CNTN6: variants seen among roughly 807,000 people sequenced by gnomAD.
CNTN6 encodes the protein contactin 6.
A neutral mutation model predicts 122.8 loss-of-function variants in CNTN6; 137 were observed. The ratio of observed to expected loss-of-function variants is 1.12; its 90% CI spans 0.97 to 1.29. CNTN6 has a LOEUF of 1.29. CNTN6 is among the 50% of genes most tolerant of loss of function. The pLI, the probability that CNTN6 is intolerant of heterozygous loss-of-function variation, is 0.00. For synonymous variants in CNTN6, 570 were observed against 426.0 expected (o/e 1.34, Z -4.16); for missense variants, 1,634 against 1,223.4 (o/e 1.34, Z -5.01).
intron 4 of CNTN6, among the ~76,000 whole-genome samples, chr3:1,255,295 G>T (rs1217046641): frequency 6.6e-6 from 1 of 152,018 alleles, no homozygotes; most frequent in Non-Finnish European, 1.5e-5. Context: ...GAAAAATTAG[G>T]ACTAAGTTGT....
intron 20 of CNTN6, among the ~76,000 whole-genome samples, chr3:1,387,541 C>G (rs1384988446): frequency 6.6e-6 from 1 of 152,168 alleles, no homozygotes; most frequent in East Asian, 1.9e-4. Context: ...ATGCCAAACT[C>G]ACAGAAACTC....
At chr3:1,380,675 G>GC (rs1181946746) in intron 17 of CNTN6, among the ~76,000 whole-genome samples, 4 of 152,104 alleles carry the variant, frequency 2.6e-5, no homozygotes, top group Non-Finnish European at 5.9e-5. Context: ...GTCTCAGTCT[G>GC]CTTTTGTAGC....
chr3:1,134,860 T>G (rs2092432121), intron 1 of CNTN6, among the ~76,000 whole-genome samples: 1 of 152,284 alleles, frequency 6.6e-6, no homozygotes, highest in Non-Finnish European at 1.5e-5. Context: ...TTAGTAAGAA[T>G]GCAGGAAGCA....
chr3:1,125,007 C>T (rs958899334), intron 1 of CNTN6, among the ~76,000 whole-genome samples: 9 of 151,902 alleles, frequency 5.9e-5, no homozygotes, highest in Non-Finnish European at 1.2e-4. Flanking sequence ...TTTTGTTATT[C>T]TTGTTTTTAA....
At chr3:1,363,448 C>T (rs1363355373) in intron 12 of CNTN6, among the ~76,000 whole-genome samples, 1 of 151,958 alleles carries the variant, frequency 6.6e-6, no homozygotes, top group Non-Finnish European at 1.5e-5. Flanking sequence ...CAGTGACCAC[C>T]ATTCTAGTAT....
At chr3:1,361,765 A>G (rs1433069310) in intron 12 of CNTN6, among the ~76,000 whole-genome samples, 3 of 152,160 alleles carry the variant, frequency 2.0e-5, no homozygotes, top group African/African-American at 7.2e-5. Flanking sequence ...AAAATGAACA[A>G]AAACAGTTTT....
At position 1,320,977 on chromosome 3, in the gene CNTN6, C is replaced by T. The variant is rs551003573; in HGVS notation, c.762-673C>T. Among the ~76,000 whole-genome samples the T allele has an allele frequency of 4.6e-5, 7 of 151,586 alleles. No individual in the cohort carries two copies. In the South Asian group the frequency reaches 1.5e-3, roughly 32 times the overall value. The stretch of plus-strand genomic sequence containing the variant: ...GTTCTTTATAACAGGGGACAGGCTG[C>T]GGTGTAAATCCATCTTTGTTTTACT... On this transcript the variant is annotated intron_variant, in intron 7 of 22. Transcript: ENST00000446702.
chr3:1,194,580 G>A (rs2093749093), intron 2 of CNTN6, among the ~76,000 whole-genome samples: 1 of 151,752 alleles, frequency 6.6e-6, no homozygotes, highest in Non-Finnish European at 1.5e-5. Context: ...AGGATTCCCT[G>A]TTCTCAACCT....
At chr3:1,280,249 G>A (rs1693135383) in intron 5 of CNTN6, among the ~76,000 whole-genome samples, 1 of 152,054 alleles carries the variant, frequency 6.6e-6, no homozygotes, top group Admixed American at 6.6e-5. Context: ...AAGGCAGCCA[G>A]ACAGGAGACG....
intron 2 of CNTN6, among the ~76,000 whole-genome samples, chr3:1,165,332 C>T (rs568031234): frequency 1.3e-5 from 2 of 152,246 alleles, no homozygotes; most frequent in African/African-American, 4.8e-5. Context: ...ACTCTTCCTC[C>T]CATTACACCA....
rs155852 is a variant in CNTN6 at position 1,369,777 on chromosome 3, T to C, written c.1493-2522T>C. On this transcript the variant is annotated intron_variant, in intron 12 of 22. Coordinates refer to ENST00000446702, the MANE Select transcript of CNTN6 (RefSeq NM_001289080.2). ...GTAAATAAGACATTTGTGATTTTTT[T>C]TTTCAGAGTAACTACAAAAGGAAAA... Among the ~76,000 whole-genome samples, 857 of 152,266 alleles carry C rather than the reference T, an allele frequency of 5.6e-3. 7 individuals carry two copies. Among genetic ancestry groups the C allele is most frequent in the African/African-American group, 0.02 (826 of 41,566 alleles).
At chr3:1,339,742 A>G (rs1703614701) in intron 11 of CNTN6, among the ~76,000 whole-genome samples, 1 of 152,102 alleles carries the variant, frequency 6.6e-6, no homozygotes, top group East Asian at 1.9e-4. Context: ...TCAATACAAG[A>G]CACACTTCTC....
chr3:1,261,691 G>A (rs1283044291), intron 4 of CNTN6, among the ~76,000 whole-genome samples: 1 of 152,038 alleles, frequency 6.6e-6, no homozygotes, highest in African/African-American at 2.4e-5. Context: ...CAGATATATG[G>A]GATATGGGGC....
rs749085264 is a variant in CNTN6, at chr3:1,403,437, T to A, written c.*19T>A. ...TATCTGATGAATAAAACCATAAATC[T>A]TTGAGAGTTTTTTGAAAGCAAATCA... On this transcript the variant is annotated 3_prime_UTR_variant, in exon 23 of 23. Coordinates refer to ENST00000446702, the MANE Select transcript of CNTN6 (RefSeq NM_001289080.2). The A allele has an allele frequency of 6.5e-7, 1 of 1,527,482 alleles. No individual in the cohort carries two copies. Among genetic ancestry groups the A allele is most frequent in the East Asian group, 2.3e-5 (1 of 44,310 alleles). The allele number at this position is 1,527,482 out of a possible 1,614,324, so 94.6% of individuals were successfully genotyped here. A position where few individuals can be genotyped will look rare whatever the true frequency, so the allele number is the denominator to read the frequency against.
chr3:1,340,467 G>A (rs2055738), intron 11 of CNTN6, among the ~76,000 whole-genome samples: 64,846 of 151,950 alleles, frequency 0.43, 15,835 homozygotes, highest in Non-Finnish European at 0.56. Context: ...CACAATGTTC[G>A]GAAGACTGAT....
intron 19 of CNTN6, among the ~76,000 whole-genome samples, chr3:1,384,681 TATATATACAC>T (rs1323769926): frequency 1.7e-5 from 2 of 117,670 alleles, no homozygotes; most frequent in South Asian, 2.9e-4. Flanking sequence ...TATATATATA[TATATATACAC>T]ACACACACAC....
intron 4 of CNTN6, among the ~76,000 whole-genome samples, chr3:1,260,495 G>A (rs1317982680): frequency 6.6e-6 from 1 of 151,992 alleles, no homozygotes; most frequent in Non-Finnish European, 1.5e-5. Context: ...CATTTTTGTA[G>A]CAGTAACCAC....
chr3:1,132,184 A>G (rs1441659420), intron 1 of CNTN6, among the ~76,000 whole-genome samples: 1 of 150,988 alleles, frequency 6.6e-6, no homozygotes, highest in Non-Finnish European at 1.5e-5. Context: ...CTTTTACTCT[A>G]AAAACTCTGA....
At chr3:1,317,238 T>G (rs3772302) in intron 7 of CNTN6, among the ~76,000 whole-genome samples, 18,767 of 150,904 alleles carry the variant, frequency 0.12, 1,246 homozygotes, top group African/African-American at 0.19. Flanking sequence ...AATTTGTTGT[T>G]TTTTCTTGCT....
Sources: gnomAD v4.1 joint callset for allele counts (sites outside exome capture counted in the v4.1 genomes callset) on GRCh38, gnomAD v4.1.1 for gene constraint, MANE v1.5 for transcripts, NCBI Gene and HGNC (gene_info 2026-07-23, HGNC 2026-07-21) for gene names.